The following ADAD1 variants were observed in gnomAD, a reference collection of about 807,000 sequenced individuals.
The protein encoded by ADAD1 is adenosine deaminase domain containing 1.
In ADAD1, 46 loss-of-function variants were observed where a neutral mutation model predicts 66.8. The observed-to-expected ratio is 0.69, with a 90% CI of 0.54 to 0.88. ADAD1 has a LOEUF of 0.88. Ranked by LOEUF, ADAD1 falls within the 40% of genes least tolerant of loss-of-function variation. The pLI is 0.00. For synonymous variants in ADAD1, 248 were observed against 229.4 expected, an observed-to-expected ratio of 1.08 and a Z score of -0.73; for missense variants, 617 against 681.8, an observed-to-expected ratio of 0.91 and a Z score of 1.06.
At chr4:122,425,658 A>G (rs557286166) in intron 12 of ADAD1, among the ~76,000 whole-genome samples, 5 of 152,052 alleles carry the variant, frequency 3.3e-5, no homozygotes, top group East Asian at 3.9e-4. Context: ...CAGTATAACA[A>G]CTATTTACAT....
At chr4:122,398,829 T>G (rs921232119) in intron 7 of ADAD1, among the ~76,000 whole-genome samples, 4 of 152,134 alleles carry the variant, frequency 2.6e-5, no homozygotes, top group Admixed American at 2.6e-4. Flanking sequence ...GATTATTTTT[T>G]TTTTTCTTGC....
chr4:122,403,291 G>A (rs947009973), intron 7 of ADAD1, among the ~76,000 whole-genome samples: 9 of 152,116 alleles, frequency 5.9e-5, no homozygotes, highest in South Asian at 2.1e-4. Context: ...CAGGATTACC[G>A]GGCTCCAGGC....
chr4:122,410,748 T>C (rs1392117658), intron 8 of ADAD1, among the ~76,000 whole-genome samples: 1 of 152,236 alleles, frequency 6.6e-6, no homozygotes. Context: ...ATTGTATTGT[T>C]CCTATGCTCT....
At chr4:122,392,535 A>G (rs536583801) in intron 5 of ADAD1, among the ~76,000 whole-genome samples, 3 of 152,338 alleles carry the variant, frequency 2.0e-5, no homozygotes, top group East Asian at 3.9e-4. Flanking sequence ...TATTGGAACA[A>G]TAGATGCTGT....
At chr4:122,380,625 G>C (rs1330789087) in intron 3 of ADAD1, 1 of 298,696 alleles carries the variant, frequency 3.3e-6, no homozygotes, top group African/African-American at 2.2e-5. Context: ...AAAATGAGTG[G>C]ATGGGAGCCA....
intron 11 of ADAD1, among the ~76,000 whole-genome samples, chr4:122,419,503 A>C (rs1796910071): frequency 6.6e-6 from 1 of 152,110 alleles, no homozygotes; most frequent in Admixed American, 6.6e-5. Flanking sequence ...TATAGAAAAA[A>C]CCTGCACATG....
chr4:122,420,463 A>G (rs1796950921), intron 11 of ADAD1, among the ~76,000 whole-genome samples: 1 of 152,228 alleles, frequency 6.6e-6, no homozygotes, highest in Non-Finnish European at 1.5e-5. Context: ...AACACAAGGT[A>G]TCTCCAGGCC....
At chr4:122,385,537 T>C (rs2150532614) in intron 5 of ADAD1, among the ~76,000 whole-genome samples, 1 of 152,324 alleles carries the variant, frequency 6.6e-6, no homozygotes. Flanking sequence ...CCTCCCAAAG[T>C]GCTGGGATTA....
intron 6 of ADAD1, among the ~76,000 whole-genome samples, chr4:122,395,924 G>A (rs1795689028): frequency 6.6e-6 from 1 of 152,212 alleles, no homozygotes; most frequent in Non-Finnish European, 1.5e-5. Flanking sequence ...ATCTTGCAAA[G>A]TGTGGCACAG....
At chr4:122,414,275 T>A (rs73846649) in intron 10 of ADAD1, among the ~76,000 whole-genome samples, 3 of 93,212 alleles carry the variant, frequency 3.2e-5, no homozygotes, top group African/African-American at 7.2e-5. Flanking sequence ...TCTTTTTTTT[T>A]GGGGGGGGGG....
In ADAD1 at chr4:122,415,627, C is replaced by T. The variant is rs1233663638; in HGVS notation, c.1487+11C>T. The T allele has an allele frequency of 4.3e-5, 69 of 1,603,408 alleles. No individual in the cohort carries two copies. The highest frequency in any genetic ancestry group is 5.7e-5 in the Non-Finnish European group (67 of 1,171,206). The stretch of plus-strand genomic sequence containing the variant: ...GAAGATCACTGAAAGGTTAAAATTA[C>T]TAATTTCTTTAAACCATATATTACT... On this transcript the variant is annotated intron_variant, in intron 11 of 12. Coordinates refer to ENST00000296513, the MANE Select transcript of ADAD1 (RefSeq NM_139243.4).
Position 122,415,416 on chromosome 4 carries a change from C to G in ADAD1, c.1287C>G (p.Ile429Met). 1 of 1,613,634 alleles carries G rather than the reference C, an allele frequency of 6.2e-7. No homozygotes were observed. Among genetic ancestry groups the G allele is most frequent in the South Asian group, 1.1e-5 (1 of 91,010 alleles). Residue 429 changes from isoleucine (I) to methionine (M), a missense_variant, in exon 11 of 13, where the codon ATC becomes ATG. Coordinates refer to ENST00000296513, the MANE Select transcript of ADAD1 (RefSeq NM_139243.4). Reference protein sequence around the residue: ...GNCSDTRGLEIAIKQRVDDAL... With the variant: ...GNCSDTRGLEMAIKQRVDDAL... ...GCAGTGATACCAGAGGCTTAGAAAT[C>G]GCTATAAAGCAACGTGTTGATGATG...
At chr4:122,412,904 T>C in intron 10 of ADAD1, 95 bp downstream of exon 10, 1 of 1,011,438 alleles carries the variant, frequency 9.9e-7, no homozygotes, top group Non-Finnish European at 1.5e-6. Flanking sequence ...AGTTTTTGCA[T>C]ACGTGAAACT....
In ADAD1 at chr4:122,428,991, G is replaced by T. The variant is rs1159180477; in HGVS notation, c.1618-635G>T. Among the ~76,000 whole-genome samples, 4 of 151,878 alleles carry T rather than the reference G, an allele frequency of 2.6e-5. No individual in the cohort carries two copies. In the East Asian group the frequency reaches 7.7e-4, roughly 29 times the overall value. ...AAAATTCGCCAAAATATTAATGGTGGCTATCTACCACCATTAGTTTTATCT... is the reference window on the plus strand; with the variant it reads ...AAAATTCGCCAAAATATTAATGGTGTCTATCTACCACCATTAGTTTTATCT... On this transcript the variant is annotated intron_variant, in intron 12 of 12. Transcript: ENST00000296513.
rs569397386 is a variant in ADAD1, at chr4:122,380,158, C to A, written c.89C>A (p.Thr30Lys). The A allele has an allele frequency of 1.9e-6, 3 of 1,614,032 alleles. No individual in the cohort carries two copies. The highest frequency in any genetic ancestry group is 2.7e-5 in the African/African-American group (2 of 74,916). Residue 30 changes from threonine to lysine, a missense_variant, in exon 3 of 13, where the codon ACA becomes AAA. Transcript: ENST00000296513. ...AAGAACCTGCCAGTTCAACCAGCGA[C>A]AAAGACGATAACTACACCCACAGGA... is the stretch of plus-strand genomic sequence containing the variant. ...LKKNLPVQPA[T>K]KTITTPTGWS...
chr4:122,413,869 T>TATATATATATATATATATATATATATAG (rs1796584004), intron 10 of ADAD1, among the ~76,000 whole-genome samples: 1 of 146,156 alleles, frequency 6.8e-6, no homozygotes, highest in Admixed American at 6.8e-5. Flanking sequence ...TATATATATA[T>TATATATATATATATATATATATATATAG]ATATATATGA....
intron 12 of ADAD1, among the ~76,000 whole-genome samples, chr4:122,423,277 C>T (rs1014814979): frequency 6.6e-6 from 1 of 152,148 alleles, no homozygotes; most frequent in Non-Finnish European, 1.5e-5. Context: ...ACTTTGCTGG[C>T]CCAAGGTTGC....
chr4:122,383,916 A>G lies in ADAD1; in HGVS notation c.479A>G (p.Asp160Gly). ...TCCAATGCAGCAAAATTAGCTCTTG[A>G]TGAGCTTCTACAACTGGATGAACCT... is the stretch of plus-strand genomic sequence containing the variant. ...SRSNAAKLAL[D>G]ELLQLDEPEP... Residue 160 changes from aspartate to glycine, a missense_variant, in exon 5 of 13, where the codon GAT becomes GGT. Coordinates refer to ENST00000296513, the MANE Select transcript of ADAD1 (RefSeq NM_139243.4). 1 of 1,613,828 alleles carries G rather than the reference A, an allele frequency of 6.2e-7. No homozygotes were observed. The highest frequency in any genetic ancestry group is 1.1e-5 in the South Asian group (1 of 91,002).
intron 7 of ADAD1, 87 bp downstream of exon 7, chr4:122,396,464 G>A (rs751319775): frequency 8.0e-6 from 9 of 1,132,072 alleles, no homozygotes; most frequent in Admixed American, 2.9e-5. Context: ...GTACACAATG[G>A]TGTTGCATTG....
Sources: allele counts gnomAD v4.1 joint callset (sites outside exome capture counted in the v4.1 genomes callset), GRCh38; gene constraint gnomAD v4.1.1; transcripts MANE v1.5; gene names NCBI Gene and HGNC (gene_info 2026-07-23, HGNC 2026-07-21).